TRMO: variants seen among roughly 807,000 people sequenced by gnomAD.
TRMO encodes the protein tRNA (adenine(37)-N6)-methyltransferase.
Under a neutral mutation model 37.2 loss-of-function variants are expected in TRMO, and 30 were observed. That is an observed-to-expected ratio of 0.81 (90% CI 0.60 to 1.09). The LOEUF is 1.09. Among genes scored for constraint, TRMO ranks in the 50% least tolerant of loss-of-function variants. The pLI is 0.00. For synonymous variants in TRMO, 239 were observed against 199.4 expected (o/e 1.20, Z -1.67); for missense variants, 552 against 549.5 (o/e 1.00, Z -0.05).
At chr9:97,920,697 G>A (rs1175089143) in intron 1 of TRMO, among the ~76,000 whole-genome samples, 1 of 152,170 alleles carries the variant, frequency 6.6e-6, no homozygotes. Flanking sequence ...TTGTCTACAC[G>A]TCTTGCTCTG....
chr9:97,916,461 AATG>A (rs1430769997), intron 1 of TRMO, 123 bp from the exon 2 acceptor site: 1 of 667,200 alleles, frequency 1.5e-6, no homozygotes, highest in African/African-American at 1.8e-5. Context: ...CAACTATAAA[AATG>A]ATTTTTATAG....
downstream of TRMO, among the ~76,000 whole-genome samples, chr9:97,902,058 C>A (rs1045044004): frequency 3.9e-5 from 6 of 152,198 alleles, no homozygotes; most frequent in Non-Finnish European, 7.3e-5. Context: ...GACAGGCTAA[C>A]TTGGGAGGGC....
chr9:97,907,795 G>A (rs893677310), intron 4 of TRMO, among the ~76,000 whole-genome samples: 1 of 151,948 alleles, frequency 6.6e-6, no homozygotes, highest in African/African-American at 2.4e-5. Flanking sequence ...ATATCCTTCC[G>A]CTCAGCCCTC....
intron 2 of TRMO, among the ~76,000 whole-genome samples, chr9:97,915,045 C>T (rs1826291991): frequency 6.6e-6 from 1 of 152,190 alleles, no homozygotes; most frequent in Non-Finnish European, 1.5e-5. Flanking sequence ...TTCTAATCTA[C>T]TCTTGTCCCC....
the TRMO span, among the ~76,000 whole-genome samples, chr9:97,898,725 T>C: frequency 1.3e-5 from 2 of 151,708 alleles, no homozygotes; most frequent in South Asian, 2.1e-4. Context: ...ATCCCTATTA[T>C]ATATTTAATT....
chr9:97,916,426 A>G, intron 1 of TRMO, 88 bp from the exon 2 acceptor site: 1 of 902,902 alleles, frequency 1.1e-6, no homozygotes, highest in Non-Finnish European at 1.7e-6. Flanking sequence ...CATTGGTTTC[A>G]TAGTTTTAAA....
rs373515403 is a variant in TRMO at position 97,904,893 on chromosome 9, C to A, written c.1166G>T (p.Arg389Leu). The change falls in exon 5 of 5, where the codon CGG becomes CTG. Residue 389 changes from arginine to leucine, a missense_variant. Physicochemically the swap from Arg to Leu is moderately radical, Grantham distance 102. Transcript: ENST00000375119. The stretch of plus-strand genomic sequence containing the variant: ...GAAAAGGCGGTCCTGGCAAAGCTTC[C>A]GGCGGTACACAGACCGAGGATCCGC... ...LSADPRSVYR[R>L]KLCQDRLFYF... The A allele has an allele frequency of 6.2e-7, 1 of 1,614,032 alleles. No individual in the cohort carries two copies. Among genetic ancestry groups the A allele is most frequent in the Non-Finnish European group, 8.5e-7 (1 of 1,180,036 alleles).
chr9:97,908,229 G>T (rs748759084), intron 4 of TRMO, among the ~76,000 whole-genome samples: 2 of 152,072 alleles, frequency 1.3e-5, no homozygotes, highest in Non-Finnish European at 2.9e-5. Flanking sequence ...TGCCTAACAC[G>T]GTGAAACTCA....
chr9:97,921,005 T>C (rs1007412103), intron 1 of TRMO, among the ~76,000 whole-genome samples: 1 of 152,228 alleles, frequency 6.6e-6, no homozygotes, highest in East Asian at 1.9e-4. Flanking sequence ...ACCTATACTG[T>C]GTAGACTTCT....
the TRMO span, among the ~76,000 whole-genome samples, chr9:97,897,947 T>C: frequency 1.3e-5 from 2 of 152,206 alleles, no homozygotes; most frequent in Non-Finnish European, 2.9e-5. Flanking sequence ...CCTTGCAGCC[T>C]TGAACTCCTG....
At position 97,904,923 on chromosome 9, in the gene TRMO, A is replaced by C; in HGVS notation, c.1136T>G (p.Leu379Arg). The C allele has an allele frequency of 6.2e-7, 1 of 1,614,224 alleles. No homozygotes were observed. Among genetic ancestry groups the C allele is most frequent in the East Asian group, 2.2e-5 (1 of 44,894 alleles). ...EEAKRAIEAV[L>R]SADPRSVYRR... ...GTACACAGACCGAGGATCCGCTGAC[A>C]GCACAGCCTCAATGGCACGCTTTGC... Residue 379 changes from leucine (L) to arginine (R), a missense_variant, in exon 5 of 5, where the codon CTG becomes CGG. By Grantham distance (102) the Leu-to-Arg change is moderately radical. Coordinates refer to ENST00000375119, the MANE Select transcript of TRMO (RefSeq NM_016481.5).
chr9:97,904,820 G>T lies in TRMO; in HGVS notation c.1239C>A (p.Gly413=). The change falls in exon 5 of 5, where the codon GGC becomes GGA. Residue 413 remains glycine (G), a synonymous_variant. Coordinates refer to ENST00000375119, the MANE Select transcript of TRMO (RefSeq NM_016481.5). ...GCTTGATCCTCAGCACCTCTGCAAAGCCATCACCAAACCAGCAAGTGACAT... is the reference window on the plus strand; with the variant it reads ...GCTTGATCCTCAGCACCTCTGCAAATCCATCACCAAACCAGCAAGTGACAT... The part of the protein sequence containing the change: ...IAHVTCWFGD[G]FAEVLRIKPA... 6.2e-7 allele frequency: 1 copy of T among 1,614,172 alleles called. No individual in the cohort carries two copies. Among genetic ancestry groups the T allele is most frequent in the Non-Finnish European group, 8.5e-7 (1 of 1,180,026 alleles).
chr9:97,910,411 C>G lies in TRMO; in HGVS notation c.615G>C (p.Gly205=), dbSNP rs567392067. The change falls in exon 4 of 5, where the codon GGG becomes GGC. Residue 205 remains glycine (G), a synonymous_variant. Transcript: ENST00000375119. ...TATGGTGGGGTTGTGGCTCATCACACCCTGAGAGCTGTCGCTGGTCACAGC... is the reference window on the plus strand; with the variant it reads ...TATGGTGGGGTTGTGGCTCATCACAGCCTGAGAGCTGTCGCTGGTCACAGC... ...TDSCDQRQLS[G]CDEPQPHHST... is the part of the protein sequence containing the mutation. 4.3e-6 allele frequency: 7 copies of G among 1,614,024 alleles called. No individual in the cohort carries two copies. The East Asian group carries it at 1.3e-4, about 31-fold the overall frequency.
intron 4 of TRMO, among the ~76,000 whole-genome samples, chr9:97,909,655 T>C (rs533938200): frequency 1.3e-5 from 2 of 152,208 alleles, no homozygotes; most frequent in South Asian, 4.1e-4. Context: ...CTGAATGATA[T>C]TTGAAGACTC....
At position 97,913,487 on chromosome 9, in the gene TRMO, C is replaced by T. The variant is rs754529337; in HGVS notation, c.323G>A (p.Gly108Asp). The T allele has an allele frequency of 3.0e-5, 49 of 1,613,924 alleles. No individual in the cohort carries two copies. The highest frequency in any genetic ancestry group is 3.8e-5 in the Non-Finnish European group (45 of 1,179,986). The part of the protein sequence containing the change: ...KAKVQPPRLN[G>D]AKTGVFSTRS... ...TGTGGAAAAAACTCCAGTCTTTGCA[C>T]CATTCAGCCTAGGAGGCTGCACTTT... The change falls in exon 3 of 5, where the codon GGT becomes GAT. Residue 108 changes from glycine to aspartate, a missense_variant. Coordinates refer to ENST00000375119, the MANE Select transcript of TRMO (RefSeq NM_016481.5).
chr9:97,918,917 C>A (rs1587842972), intron 1 of TRMO, among the ~76,000 whole-genome samples: 1 of 152,254 alleles, frequency 6.6e-6, no homozygotes, highest in Admixed American at 6.5e-5. Context: ...GATTTTGTTA[C>A]ATGTACATGC....
chr9:97,910,695 C>T lies in TRMO; in HGVS notation c.410-79G>A, dbSNP rs545348756. 14 of 1,509,784 alleles carry T rather than the reference C, an allele frequency of 9.3e-6. No individual in the cohort carries two copies. The East Asian group carries it at 3.3e-4, about 35-fold the overall frequency. 93.5% of individuals were successfully genotyped at this position (1,509,784 alleles called of 1,614,324 possible). ...AGTCACGCCCCAGAATCCTCTAACA[C>T]TGTCTGCTTACGCCTCACTGCACTT... On this transcript the variant is annotated intron_variant, in intron 3 of 4. Coordinates refer to ENST00000375119, the MANE Select transcript of TRMO (RefSeq NM_016481.5).
At chr9:97,905,701 T>TA (rs1265979617) in intron 4 of TRMO, among the ~76,000 whole-genome samples, 2 of 152,198 alleles carry the variant, frequency 1.3e-5, no homozygotes, top group Non-Finnish European at 2.9e-5. Context: ...GTACAGATCT[T>TA]AAAAACACTG....
At chr9:97,918,135 C>T (rs932238660) in intron 1 of TRMO, among the ~76,000 whole-genome samples, 4 of 151,220 alleles carry the variant, frequency 2.6e-5, no homozygotes, top group South Asian at 4.2e-4. Flanking sequence ...AATCCCAACA[C>T]TTTGGGAGGC....
Sources: allele counts gnomAD v4.1 joint callset (sites outside exome capture counted in the v4.1 genomes callset), GRCh38; gene constraint gnomAD v4.1.1; transcripts MANE v1.5; gene names NCBI Gene and HGNC (gene_info 2026-07-23, HGNC 2026-07-21).